The following MTMR8 variants were observed in gnomAD, a reference collection of about 807,000 sequenced individuals.
MTMR8 encodes myotubularin related protein 8.
A neutral mutation model predicts 39.3 loss-of-function variants in MTMR8; 65 were observed. The observed-to-expected ratio is 1.65, with a 90% CI of 1.35 to 2.03. MTMR8 has a LOEUF of 2.03. MTMR8 is among the 30% of genes most tolerant of loss of function. The pLI is 0.00. For synonymous variants in MTMR8, 245 were observed against 185.2 expected (o/e 1.32, Z -2.62); for missense variants, 777 against 538.9 (o/e 1.44, Z -4.37).
chrX:64,304,782 C>T (rs1380332880), intron 12 of MTMR8, among the ~76,000 whole-genome samples: 4 of 97,769 alleles, frequency 4.1e-5, no homozygotes, highest in Admixed American at 1.2e-4. Flanking sequence ...TCTGTGATTC[C>T]AAATGAAATC....
intron 12 of MTMR8, among the ~76,000 whole-genome samples, chrX:64,271,705 G>T (rs1931766123): frequency 1.8e-5 from 2 of 112,523 alleles, no homozygotes; most frequent in Non-Finnish European, 3.8e-5. Context: ...TTCTCCAGGT[G>T]CCACCTGAAA....
intron 12 of MTMR8, among the ~76,000 whole-genome samples, chrX:64,311,278 T>C (rs1000693825): frequency 8.9e-6 from 1 of 112,295 alleles, no homozygotes; most frequent in Non-Finnish European, 1.9e-5. Flanking sequence ...TTCATGTCTG[T>C]TGGCTGCATA....
chrX:64,369,893 A>G (rs1924083028), intron 1 of MTMR8, among the ~76,000 whole-genome samples: 1 of 111,680 alleles, frequency 9.0e-6, no homozygotes, highest in Non-Finnish European at 1.9e-5. Flanking sequence ...ACAGCAATAT[A>G]AATATGACAG....
intron 5 of MTMR8, among the ~76,000 whole-genome samples, 174 bp from the exon 6 acceptor site, chrX:64,348,968 C>T (rs1002593004): frequency 1.8e-5 from 2 of 111,725 alleles, no homozygotes; most frequent in Non-Finnish European, 3.8e-5. Context: ...TGGGCTTAAC[C>T]TCCTGCCTAC....
chrX:64,322,986 C>T (rs1446423228), intron 12 of MTMR8, among the ~76,000 whole-genome samples: 1 of 112,975 alleles, frequency 8.9e-6, no homozygotes, highest in African/African-American at 3.2e-5. Context: ...GCCAGGTTCA[C>T]TGTCCATGTG....
intron 12 of MTMR8, among the ~76,000 whole-genome samples, chrX:64,303,328 A>G (rs913745298): frequency 2.7e-5 from 3 of 112,032 alleles, no homozygotes; most frequent in Non-Finnish European, 5.6e-5. Flanking sequence ...ATTTGGATAA[A>G]TTTCATAAGC....
intron 12 of MTMR8, among the ~76,000 whole-genome samples, chrX:64,275,230 ATTATAGTGATAAT>A (rs1931845490): frequency 9.0e-6 from 1 of 111,373 alleles, no homozygotes; most frequent in African/African-American, 3.3e-5. Flanking sequence ...ATAGTGATAA[ATTATAGTGATAAT>A]TTATAGTGAT....
In MTMR8 at chrX:64,361,473, T is replaced by A. The variant is rs745978325; in HGVS notation, c.25-1946A>T. Among the ~76,000 whole-genome samples, 32 of 111,735 alleles carry A rather than the reference T, an allele frequency of 2.9e-4. No homozygotes were observed. The South Asian group carries it at 0.011, about 40-fold the overall frequency. ...ATGTTAATGAATCAACAGTATATTT[T>A]AAAAAATACATTTTGATCAAGTGCA... On this transcript the variant is annotated intron_variant, in intron 1 of 13. Coordinates refer to ENST00000374852, the MANE Select transcript of MTMR8 (RefSeq NM_017677.4).
chrX:64,337,370 A>G lies in MTMR8; in HGVS notation c.999T>C (p.Ser333=), dbSNP rs762864915. 1.7e-6 allele frequency: 2 copies of G among 1,209,898 alleles called. No individual in the cohort carries two copies. The highest frequency in any genetic ancestry group is 2.2e-6 in the Non-Finnish European group (2 of 894,669). Residue 333 remains serine, a synonymous_variant, in exon 9 of 14, where the codon AGT becomes AGC. Coordinates refer to ENST00000374852, the MANE Select transcript of MTMR8 (RefSeq NM_017677.4). ...ATCCATCAGAACAATGGACTAAGACACTGGCCTTTTCTACCTTCACTGCCT... is the reference window on the plus strand; with the variant it reads ...ATCCATCAGAACAATGGACTAAGACGCTGGCCTTTTCTACCTTCACTGCCT... ...ITKAVKVEKA[S]VLVHCSDGWD...
In MTMR8 at chrX:64,268,890, G is replaced by C. The variant is rs1020188402; in HGVS notation, c.1762C>G (p.Leu588Val). ...GCTCGGAGGCCTCCTTCCCTGGATA[G>C]GGTGCCATTCTCCATCAGGGTATTC... Reference protein sequence around the residue: ...DLNTLMENGTLSREGGLRAQM... With the variant: ...DLNTLMENGTVSREGGLRAQM... The change falls in exon 14 of 14, where the codon CTA (leucine) becomes GTA (valine). Residue 588 changes from leucine to valine, a missense_variant. By Grantham distance (32) the Leu-to-Val change is conservative (BLOSUM62 1). Transcript: ENST00000374852. 1.3e-5 allele frequency: 16 copies of C among 1,209,759 alleles called. No homozygotes were observed. Among genetic ancestry groups the C allele is most frequent in the African/African-American group, 1.8e-5 (1 of 57,067 alleles).
intron 12 of MTMR8, among the ~76,000 whole-genome samples, chrX:64,312,718 C>T (rs961138535): frequency 8.9e-6 from 1 of 112,141 alleles, no homozygotes; most frequent in South Asian, 3.7e-4. Flanking sequence ...AGTGTATTTC[C>T]TAAATAATAA....
chrX:64,319,993 G>A (rs1468263236), intron 12 of MTMR8, among the ~76,000 whole-genome samples: 4 of 111,082 alleles, frequency 3.6e-5, no homozygotes, highest in Non-Finnish European at 5.7e-5. Context: ...ATTACCTTGG[G>A]CAGTATGGCC....
chrX:64,321,330 G>A (rs183024919), intron 12 of MTMR8, among the ~76,000 whole-genome samples: 184 of 111,824 alleles, frequency 1.6e-3, no homozygotes, highest in Non-Finnish European at 2.3e-3. Context: ...ATAACTAAGG[G>A]AAACCTGGAG....
At chrX:64,288,046 A>C (rs1203338577) in intron 12 of MTMR8, among the ~76,000 whole-genome samples, 1 of 87,639 alleles carries the variant, frequency 1.1e-5, no homozygotes, top group African/African-American at 4.0e-5. Context: ...AAAAAAAAAA[A>C]AAACTACCAT....
intron 7 of MTMR8, among the ~76,000 whole-genome samples, chrX:64,344,609 T>C (rs752197289): frequency 5.4e-5 from 6 of 111,639 alleles, no homozygotes; most frequent in Non-Finnish European, 1.1e-4. Context: ...TCAACTTTAT[T>C]CTTTTGAGGT....
At chrX:64,272,409 C>T (rs763237588) in intron 12 of MTMR8, among the ~76,000 whole-genome samples, 6 of 110,512 alleles carry the variant, frequency 5.4e-5, no homozygotes, top group African/African-American at 9.9e-5. Context: ...AGGAGTTCAA[C>T]GACAGACTAG....
chrX:64,305,839 G>A (rs772918073), intron 12 of MTMR8: 4 of 308,730 alleles, frequency 1.3e-5, no homozygotes, highest in African/African-American at 1.1e-4. Flanking sequence ...ACCCAGGCTG[G>A]GCATGGTGGC....
intron 6 of MTMR8, among the ~76,000 whole-genome samples, chrX:64,346,342 G>T (rs1054481968): frequency 3.6e-5 from 4 of 111,188 alleles, no homozygotes; most frequent in Non-Finnish European, 7.5e-5. Context: ...AAAAAAGTCA[G>T]TGTGCTAAAC....
At chrX:64,316,772 GT>G (rs1366052742) in intron 12 of MTMR8, among the ~76,000 whole-genome samples, 4 of 111,152 alleles carry the variant, frequency 3.6e-5, no homozygotes, top group Non-Finnish European at 7.5e-5. Context: ...CATTTAAACT[GT>G]TTTTCCCCTA....
Sources: allele counts gnomAD v4.1 joint callset (sites outside exome capture counted in the v4.1 genomes callset), GRCh38; gene constraint gnomAD v4.1.1; transcripts MANE v1.5; gene names NCBI Gene and HGNC (gene_info 2026-07-23, HGNC 2026-07-21).